Variants in AVEN observed in about 807,000 individuals in gnomAD.
AVEN encodes the protein cell death regulator Aven.
In AVEN, 41 loss-of-function variants were observed where a neutral mutation model predicts 38.1. The ratio of observed to expected loss-of-function variants is 1.08; its 90% CI spans 0.84 to 1.40. The LOEUF is 1.40. Among genes scored for constraint, AVEN ranks in the 40% most tolerant of loss-of-function variants. AVEN has a pLI of 0.00. For synonymous variants in AVEN, 206 were observed against 171.8 expected (o/e 1.20, Z -1.56); for missense variants, 605 against 438.8 (o/e 1.38, Z -3.38).
intron 3 of AVEN, among the ~76,000 whole-genome samples, chr15:33,871,478 G>C (rs1338680006): frequency 6.6e-6 from 1 of 152,018 alleles, no homozygotes; most frequent in Non-Finnish European, 1.5e-5. Flanking sequence ...TGAGGCAGGA[G>C]AATCGCTTGA....
chr15:33,923,526 A>G (rs1241309795), intron 2 of AVEN, among the ~76,000 whole-genome samples: 1 of 152,220 alleles, frequency 6.6e-6, no homozygotes, highest in Non-Finnish European at 1.5e-5. Context: ...TTTGTGGGTC[A>G]CACAGTCTCT....
chr15:33,873,730 C>T (rs946110548), intron 3 of AVEN, among the ~76,000 whole-genome samples: 6 of 151,986 alleles, frequency 3.9e-5, no homozygotes, highest in Non-Finnish European at 7.3e-5. Context: ...CCAACACCTC[C>T]AACTCGAACT....
downstream of AVEN, among the ~76,000 whole-genome samples, chr15:33,862,736 GAGT>G (rs1888831747): frequency 6.6e-6 from 1 of 152,042 alleles, no homozygotes; most frequent in South Asian, 2.1e-4. Context: ...TCAGCCTCCT[GAGT>G]AGCTGGGACT....
intron 2 of AVEN, among the ~76,000 whole-genome samples, chr15:33,971,511 T>C (rs1352171555): frequency 1.3e-5 from 2 of 152,080 alleles, no homozygotes; most frequent in Admixed American, 6.6e-5. Flanking sequence ...CCATTTCGTG[T>C]ATGTTGACAT....
chr15:33,978,100 T>C lies in AVEN; in HGVS notation c.445+24932A>G, dbSNP rs200443773. 3.1e-3 allele frequency among the ~76,000 whole-genome samples: 466 copies of C among 152,144 alleles called. 15 individuals are homozygous for C. In the South Asian group the frequency reaches 0.087, roughly 28 times the overall value. ...CATTTCAAAAGTCACTATGTCTATATAAAACTATTTTAAAAACATAGAAAT... is the reference window on the plus strand; with the variant it reads ...CATTTCAAAAGTCACTATGTCTATACAAAACTATTTTAAAAACATAGAAAT... On this transcript the variant is annotated intron_variant, in intron 2 of 5. Coordinates refer to ENST00000306730, the MANE Select transcript of AVEN (RefSeq NM_020371.3).
chr15:33,938,513 A>G (rs28373529), intron 2 of AVEN, among the ~76,000 whole-genome samples: 85,599 of 152,064 alleles, frequency 0.56, 27,038 homozygotes, highest in East Asian at 0.75. Context: ...AACAACAGAC[A>G]CCACAGACAA....
intron 11 of AVEN, chr15:33,859,712 C>G (rs368370540): frequency 6.2e-7 from 1 of 1,610,432 alleles, no homozygotes; most frequent in Admixed American, 1.7e-5. Flanking sequence ...TCATTGTCAT[C>G]TTGCTGGCCA....
upstream of AVEN, among the ~76,000 whole-genome samples, chr15:34,043,554 G>T (rs1045599691): frequency 6.6e-6 from 1 of 152,150 alleles, no homozygotes; most frequent in Admixed American, 6.5e-5. Context: ...TACAGGGGGA[G>T]AGACTCTGGC....
chr15:34,008,036 A>G (rs1897439342), intron 1 of AVEN, among the ~76,000 whole-genome samples: 1 of 152,168 alleles, frequency 6.6e-6, no homozygotes, highest in African/African-American at 2.4e-5. Context: ...TCCAAATAAG[A>G]TCACACTCAG....
chr15:33,873,421 C>T (rs1891082762), intron 3 of AVEN, among the ~76,000 whole-genome samples: 1 of 134,914 alleles, frequency 7.4e-6, no homozygotes. Context: ...TCTTGCGTCA[C>T]TGGTCACACT....
At chr15:33,981,092 G>A (rs1968273) in intron 2 of AVEN, among the ~76,000 whole-genome samples, 147,105 of 152,178 alleles carry the variant, frequency 0.97, 71,239 homozygotes, top group Non-Finnish European at 1. Flanking sequence ...AGACTCCCCA[G>A]TTTTGGACAG....
intron 2 of AVEN, among the ~76,000 whole-genome samples, chr15:33,946,432 A>T (rs372389573): frequency 3.3e-5 from 5 of 152,292 alleles, no homozygotes; most frequent in African/African-American, 1.2e-4. Context: ...CTCTAGAGAA[A>T]TGCATTCAAC....
intron 2 of AVEN, among the ~76,000 whole-genome samples, chr15:33,989,738 T>C (rs2140562985): frequency 6.6e-6 from 1 of 152,228 alleles, no homozygotes; most frequent in Non-Finnish European, 1.5e-5. Flanking sequence ...AAAGAGAATT[T>C]ATCAACTTCC....
chr15:33,889,578 T>G (rs7164551), intron 2 of AVEN, among the ~76,000 whole-genome samples: 178 of 106,712 alleles, frequency 1.7e-3, no homozygotes, highest in African/African-American at 6.2e-3. Context: ...CCAATGGACA[T>G]GAAATATGTT....
chr15:33,864,349 C>T (rs1257276486), downstream of AVEN, among the ~76,000 whole-genome samples: 1 of 152,198 alleles, frequency 6.6e-6, no homozygotes, highest in African/African-American at 2.4e-5. Flanking sequence ...CCAAAGTCCT[C>T]CTGTTTATCC....
rs549996102 is a variant in AVEN, at chr15:33,907,801, A to C, written c.446-31806T>G. 9.6e-3 allele frequency among the ~76,000 whole-genome samples: 1,467 copies of C among 152,138 alleles called. 26 individuals are homozygous for C. Among genetic ancestry groups the C allele is most frequent in the African/African-American group, 0.034 (1,398 of 41,520 alleles). Reference sequence around the variant, plus strand: ...AATTCCCAGCACTAAAAAAAAAAAAAAAACTATATGGAGTAAAGATTTCAA... The same window carrying C: ...AATTCCCAGCACTAAAAAAAAAAAACAAACTATATGGAGTAAAGATTTCAA... On this transcript the variant is annotated intron_variant, in intron 2 of 5. Transcript: ENST00000306730.
chr15:33,965,634 A>G lies in AVEN; in HGVS notation c.445+37398T>C, dbSNP rs142853563. 3.8e-4 allele frequency among the ~76,000 whole-genome samples: 58 copies of G among 152,290 alleles called. No individual in the cohort carries two copies. The East Asian group carries it at 9.8e-3, about 26-fold the overall frequency. On this transcript the variant is annotated intron_variant, in intron 2 of 5. Transcript: ENST00000306730. The stretch of plus-strand genomic sequence containing the variant: ...TGTTTAGCCAACTTTACAGTGGGCA[A>G]TGGGAGAGTTCAGTTTAAATATGAG...
chr15:33,955,389 T>C (rs992536316), intron 2 of AVEN, among the ~76,000 whole-genome samples: 2 of 152,222 alleles, frequency 1.3e-5, no homozygotes, highest in East Asian at 1.9e-4. Context: ...AAGAATATCA[T>C]TAAATATTTG....
chr15:33,878,097 A>C (rs1040364951), intron 2 of AVEN, among the ~76,000 whole-genome samples: 3 of 152,202 alleles, frequency 2.0e-5, no homozygotes, highest in Admixed American at 2.0e-4. Flanking sequence ...AAGGAAGACA[A>C]AAAACTCAAC....
Sources: gnomAD v4.1 joint callset for allele counts (sites outside exome capture counted in the v4.1 genomes callset) on GRCh38, gnomAD v4.1.1 for gene constraint, MANE v1.5 for transcripts, NCBI Gene and HGNC (gene_info 2026-07-23, HGNC 2026-07-21) for gene names.